CLXN: variants seen among roughly 807,000 people sequenced by gnomAD.
The protein encoded by CLXN is calaxin.
chr8:48,732,418 A>G, the CLXN span, among the ~76,000 whole-genome samples: 4 of 152,312 alleles, frequency 2.6e-5, no homozygotes, highest in African/African-American at 9.6e-5. Flanking sequence ...AGGTCAGTAC[A>G]GGCATTTGTG....
At chr8:48,718,675 T>C in the CLXN span, among the ~76,000 whole-genome samples, 1 of 152,004 alleles carries the variant, frequency 6.6e-6, no homozygotes, top group Non-Finnish European at 1.5e-5. Flanking sequence ...TTCACAAATA[T>C]ATAGAAACTA....
chr8:48,719,765 C>A, the CLXN span, among the ~76,000 whole-genome samples: 1 of 152,144 alleles, frequency 6.6e-6, no homozygotes, highest in Non-Finnish European at 1.5e-5. Flanking sequence ...TAGGAACTTA[C>A]CTCAACACAA....
At chr8:48,728,799 T>G in the CLXN span, among the ~76,000 whole-genome samples, 1 of 152,238 alleles carries the variant, frequency 6.6e-6, no homozygotes, top group Non-Finnish European at 1.5e-5. Flanking sequence ...CATCTGTGCT[T>G]CTGGCACACA....
the CLXN span, chr8:48,734,959 CG>C: frequency 3.0e-6 from 3 of 987,190 alleles, no homozygotes. Context: ...CTTAAGGGGC[CG>C]GGGTGGAGGG....
chr8:48,728,957 C>A, the CLXN span: 6 of 876,918 alleles, frequency 6.8e-6, no homozygotes, highest in Non-Finnish European at 8.6e-6. Flanking sequence ...CAGGATTTGT[C>A]TGATCCACTA....
chr8:48,731,582 GACAA>G, the CLXN span: 7 of 1,205,864 alleles, frequency 5.8e-6, no homozygotes, highest in South Asian at 6.9e-5. Flanking sequence ...TAAGTTTACA[GACAA>G]ACAACGTCAA....
At chr8:48,727,061 A>G in the CLXN span, among the ~76,000 whole-genome samples, 4 of 143,948 alleles carry the variant, frequency 2.8e-5, no homozygotes, top group Admixed American at 2.1e-4. Flanking sequence ...CCATCCATCC[A>G]TCTACCCACT....
At chr8:48,718,659 G>C in the CLXN span, among the ~76,000 whole-genome samples, 4 of 151,832 alleles carry the variant, frequency 2.6e-5, no homozygotes, top group Non-Finnish European at 5.9e-5. Context: ...TAAGAAAATG[G>C]GCAAATTCAC....
chr8:48,726,428 AC>A, the CLXN span, among the ~76,000 whole-genome samples: 1 of 142,686 alleles, frequency 7.0e-6, no homozygotes, highest in South Asian at 2.3e-4. Context: ...CCATCCATCC[AC>A]TCATCCATCT....
chr8:48,715,937 T>G, the CLXN span: 1 of 152,188 alleles, frequency 6.6e-6, no homozygotes, highest in African/African-American at 2.4e-5. Context: ...AAATGATTGG[T>G]TTAGAGAAGC....
chr8:48,735,051 G>C, the CLXN span: 4 of 1,607,766 alleles, frequency 2.5e-6, no homozygotes, highest in Non-Finnish European at 3.4e-6. Flanking sequence ...ACCCAGGCTC[G>C]GTCCAGGAGC....
the CLXN span, chr8:48,713,897 C>A: frequency 6.6e-6 from 1 of 152,130 alleles, no homozygotes; most frequent in Non-Finnish European, 1.5e-5. Flanking sequence ...AATTGTTTCC[C>A]AAATAGAATT....
chr8:48,729,578 C>A, the CLXN span: 3 of 799,060 alleles, frequency 3.8e-6, no homozygotes, highest in African/African-American at 1.7e-5. Context: ...CTGAAAAGAA[C>A]TATTAATATG....
chr8:48,729,666 G>C, the CLXN span: 3 of 1,474,612 alleles, frequency 2.0e-6, no homozygotes, highest in Admixed American at 5.9e-5. Context: ...CTTATTTCTA[G>C]CCCATATCTG....
the CLXN span, among the ~76,000 whole-genome samples, chr8:48,731,764 G>T: frequency 1.3e-5 from 2 of 152,170 alleles, no homozygotes. Context: ...TGATGGTGGT[G>T]TCGGATTCTA....
At chr8:48,731,072 T>G in the CLXN span, among the ~76,000 whole-genome samples, 1 of 152,182 alleles carries the variant, frequency 6.6e-6, no homozygotes, top group Admixed American at 6.5e-5. Flanking sequence ...ACTATTCTAT[T>G]TATTATGTTT....
chr8:48,735,259 C>T, the CLXN span: 1 of 1,256,082 alleles, frequency 8.0e-7, no homozygotes, highest in South Asian at 1.2e-5. Flanking sequence ...GCGGTGAGGT[C>T]TCAGTTACTG....
At chr8:48,715,707 A>G in the CLXN span, 1 of 152,360 alleles carries the variant, frequency 6.6e-6, no homozygotes, top group East Asian at 1.9e-4. Context: ...CTGGAGCCAG[A>G]GCTGTCACAC....
the CLXN span, among the ~76,000 whole-genome samples, chr8:48,717,541 T>C: frequency 6.6e-6 from 1 of 152,210 alleles, no homozygotes; most frequent in Non-Finnish European, 1.5e-5. Context: ...TAGAGAGTTC[T>C]TCAATTTGAA....
Sources: gnomAD v4.1 joint callset for allele counts (sites outside exome capture counted in the v4.1 genomes callset) on GRCh38, gnomAD v4.1.1 for gene constraint, MANE v1.5 for transcripts, NCBI Gene and HGNC (gene_info 2026-07-23, HGNC 2026-07-21) for gene names.